The following ZNF41 variants were observed in gnomAD, a reference collection of about 807,000 sequenced individuals.
ZNF41 encodes zinc finger protein 41.
ZNF41 carries 6 observed loss-of-function variants against 9.3 expected under a neutral mutation model. That is an observed-to-expected ratio of 0.65 (90% confidence interval 0.35 to 1.28). The LOEUF is 1.28. ZNF41 is among the 50% of genes most tolerant of loss of function. The pLI is 0.03. For synonymous variants in ZNF41, 192 were observed against 207.1 expected (o/e 0.93, Z 0.63); for missense variants, 523 against 585.8 (o/e 0.89, Z 1.11).
chrX:47,455,386 T>C (rs915818578), intron 4 of ZNF41, among the ~76,000 whole-genome samples: 2 of 107,189 alleles, frequency 1.9e-5, no homozygotes, highest in African/African-American at 6.8e-5. Context: ...GGAGTTCGAG[T>C]CCAGCCTGGC....
chrX:47,450,427 T>C (rs1325789012), intron 4 of ZNF41, among the ~76,000 whole-genome samples: 1 of 110,845 alleles, frequency 9.0e-6, no homozygotes, highest in East Asian at 2.8e-4. Context: ...GCCAGGCTGG[T>C]CTTGAACTCC....
intron 1 of ZNF41, among the ~76,000 whole-genome samples, chrX:47,481,696 C>T (rs1322172709): frequency 9.0e-6 from 1 of 111,444 alleles, no homozygotes; most frequent in African/African-American, 3.3e-5. Flanking sequence ...ACATGTGACA[C>T]GGAGCTAAAG....
At chrX:47,473,069 C>A (rs1413273133) in intron 1 of ZNF41, among the ~76,000 whole-genome samples, 1 of 108,219 alleles carries the variant, frequency 9.2e-6, no homozygotes, top group Non-Finnish European at 1.9e-5. Flanking sequence ...TGTCACCCAG[C>A]CAGGAGTGCA....
intron 4 of ZNF41, among the ~76,000 whole-genome samples, chrX:47,454,911 T>C (rs1335321465): frequency 9.0e-6 from 1 of 111,656 alleles, no homozygotes; most frequent in African/African-American, 3.2e-5. Flanking sequence ...CAGCTGCCCA[T>C]GGGAGGAGGC....
chrX:47,459,764 A>AAAAAAAAAAAAAAAAAAAAAAAG (rs1456368840), intron 2 of ZNF41, among the ~76,000 whole-genome samples: 1 of 101,122 alleles, frequency 9.9e-6, no homozygotes, highest in African/African-American at 4.1e-5. Flanking sequence ...AAAAAAAAAA[A>AAAAAAAAAAAAAAAAAAAAAAAG]AAAGAAAGAA....
At chrX:47,451,197 C>T (rs1003400881) in intron 4 of ZNF41, among the ~76,000 whole-genome samples, 1 of 111,759 alleles carries the variant, frequency 8.9e-6, no homozygotes, top group Admixed American at 9.5e-5. Flanking sequence ...AATGTATGTT[C>T]CTTTGAATTC....
At chrX:47,455,455 T>G in intron 4 of ZNF41, among the ~76,000 whole-genome samples, 1 of 108,194 alleles carries the variant, frequency 9.2e-6, no homozygotes. Flanking sequence ...CATGGTGGCA[T>G]GTGCATGTAG....
chrX:47,462,433 C>A (rs1192841659), intron 2 of ZNF41, among the ~76,000 whole-genome samples: 1 of 110,812 alleles, frequency 9.0e-6, no homozygotes, highest in Non-Finnish European at 1.9e-5. Flanking sequence ...CTTCCGAGTA[C>A]CCCCGTTCTT....
At chrX:47,480,633 T>C (rs1309942723) in intron 1 of ZNF41, among the ~76,000 whole-genome samples, 1 of 108,703 alleles carries the variant, frequency 9.2e-6, no homozygotes, top group African/African-American at 3.4e-5. Flanking sequence ...AGAGGAAATA[T>C]AGTTACAATA....
At position 47,449,030 on chromosome X, in the gene ZNF41, T is replaced by C; in HGVS notation, c.740A>G (p.His247Arg). 8.3e-7 allele frequency: 1 copy of C among 1,211,816 alleles called. No homozygotes were observed. The highest frequency in any genetic ancestry group is 3.0e-5 in the East Asian group (1 of 33,854). ...KTGANSCEHD[H>R]YEKHLSHKQA... ...TTTGTGGCTGAGATGTTTTTCATAGTGGTCATGTTCACAGGAATTTGCTCC... is the reference window on the plus strand; with the variant it reads ...TTTGTGGCTGAGATGTTTTTCATAGCGGTCATGTTCACAGGAATTTGCTCC... The change falls in exon 5 of 5, where the codon CAC becomes CGC. Residue 247 changes from histidine to arginine, a missense_variant. Physicochemically the swap from His to Arg is conservative, Grantham distance 29. Transcript: ENST00000684689.
chrX:47,479,131 T>C (rs751389245), intron 1 of ZNF41, among the ~76,000 whole-genome samples: 1 of 110,602 alleles, frequency 9.0e-6, no homozygotes, highest in African/African-American at 3.3e-5. Context: ...TAAAATTAGA[T>C]TGTGATGATG....
At position 47,471,590 on chromosome X, in the gene ZNF41, CTTAA is replaced by C. The variant is rs771332443; in HGVS notation, c.-279-3834_-279-3831del. On this transcript the variant is annotated intron_variant, in intron 1 of 4. Coordinates refer to ENST00000684689, the MANE Select transcript of ZNF41 (RefSeq NM_001324144.2). ...TCTATTCTGGGACCAGTGTTATAGT[CTTAA>C]TTAATGTGCTTTATATTAAGTCCTG... is the stretch of plus-strand genomic sequence containing the variant. 2.1e-4 allele frequency among the ~76,000 whole-genome samples: 23 copies of C among 111,475 alleles called. 1 individual carries two copies. Among genetic ancestry groups the C allele is most frequent in the Admixed American group, 1.8e-3 (19 of 10,414 alleles).
In ZNF41 at chrX:47,461,855, C is replaced by T. The variant is rs1464476174; in HGVS notation, c.73-5457G>A. ...TCCTTAGTAGCTGAGACTACAGGTG[C>T]ACACCACCATGCCCAGCTAATTTTT... On this transcript the variant is annotated intron_variant, in intron 2 of 4. Transcript: ENST00000684689. Among the ~76,000 whole-genome samples the T allele has an allele frequency of 3.6e-5, 4 of 110,291 alleles. No homozygotes were observed. In the East Asian group the frequency reaches 1.1e-3, roughly 31 times the overall value.
chrX:47,445,395 C>T lies in ZNF41; in HGVS notation c.*2035G>A, dbSNP rs1451198021. ...CCTAGGTCTCAGGTCTCAGCCATCA[C>T]TCATCTATCCTGGGGAGATACTACA... On this transcript the variant is annotated 3_prime_UTR_variant, in exon 5 of 5. Transcript: ENST00000684689. Among the ~76,000 whole-genome samples the T allele has an allele frequency of 1.8e-5, 2 of 111,838 alleles. No individual in the cohort carries two copies. The highest frequency in any genetic ancestry group is 3.8e-5 in the Non-Finnish European group (2 of 53,210).
intron 4 of ZNF41, among the ~76,000 whole-genome samples, chrX:47,454,346 T>TA (rs1361679551): frequency 2.6e-4 from 28 of 105,670 alleles, no homozygotes; most frequent in South Asian, 2.4e-3. Flanking sequence ...ATCACGAGGT[T>TA]AAAAAAAAAA....
In ZNF41 at chrX:47,459,764, A is replaced by AAAAAG. The variant is rs1456368840; in HGVS notation, c.73-3367_73-3366insCTTTT. Among the ~76,000 whole-genome samples, 79 of 101,089 alleles carry AAAAAG rather than the reference A, an allele frequency of 7.8e-4. 1 individual carries two copies. Among genetic ancestry groups the AAAAAG allele is most frequent in the African/African-American group, 3.1e-3 (75 of 24,462 alleles). The allele number at this position is 101,089 out of a possible 115,157, so 87.8% of individuals were successfully genotyped here. A position where few individuals can be genotyped will look rare whatever the true frequency, so the allele number is the denominator to read the frequency against. ...ATCTAAAAAAAAAAAAAAAAAAAAA[A>AAAAAG]AAAGAAAGAAAGAAAAGAAGACAAG... On this transcript the variant is annotated intron_variant, in intron 2 of 4. Transcript: ENST00000684689.
chrX:47,464,940 C>A (rs1325109015), intron 2 of ZNF41, among the ~76,000 whole-genome samples: 2 of 112,322 alleles, frequency 1.8e-5, no homozygotes, highest in Non-Finnish European at 3.8e-5. Flanking sequence ...GGCTGGAGTG[C>A]AGTGGTGTGA....
chrX:47,448,538 T>C lies in ZNF41; in HGVS notation c.1232A>G (p.Tyr411Cys), dbSNP rs1272770652. The C allele has an allele frequency of 5.0e-6, 6 of 1,210,243 alleles. No homozygotes were observed. The highest frequency in any genetic ancestry group is 2.2e-5 in the Admixed American group (1 of 45,696). Residue 411 changes from tyrosine to cysteine, a missense_variant, in exon 5 of 5, where the codon TAT becomes TGT. Tyr to Cys is a radical substitution (Grantham distance 194). Coordinates refer to ENST00000684689, the MANE Select transcript of ZNF41 (RefSeq NM_001324144.2). Reference protein sequence around the residue: ...HQKTHTGEKHYECNECGKAFT... With the variant: ...HQKTHTGEKHCECNECGKAFT... ...AGCCTTCCCACATTCATTGCATTCA[T>C]AGTGTTTCTCTCCGGTATGAGTTTT...
At position 47,467,270 on chromosome X, in the gene ZNF41, C is replaced by T; in HGVS notation, c.72+140G>A. On this transcript the variant is annotated intron_variant, in intron 2 of 4. Transcript: ENST00000684689. The stretch of plus-strand genomic sequence containing the variant: ...TGGTGCTCACTCTCAGCAAGAGGAC[C>T]CTGATCTGTCTCCAGGGTGGCAGGT... 6.1e-6 allele frequency: 7 copies of T among 1,148,725 alleles called. No individual in the cohort carries two copies. In the South Asian group the frequency reaches 7.8e-5, roughly 13 times the overall value. 94.7% of individuals were successfully genotyped at this position (1,148,725 alleles called of 1,213,427 possible). A position where few individuals can be genotyped will look rare whatever the true frequency, so the allele number is the denominator to read the frequency against.
Sources: allele counts gnomAD v4.1 joint callset (sites outside exome capture counted in the v4.1 genomes callset), GRCh38; gene constraint gnomAD v4.1.1; transcripts MANE v1.5; gene names NCBI Gene and HGNC (gene_info 2026-07-23, HGNC 2026-07-21).